FABP6: variants seen among roughly 807,000 people sequenced by gnomAD.
The protein encoded by FABP6 is fatty acid binding protein 6, also known as gastrotropin.
A neutral mutation model predicts 14.9 loss-of-function variants in FABP6; 13 were observed. The observed-to-expected ratio is 0.87, with a 90% CI of 0.57 to 1.39. The LOEUF (loss-of-function observed/expected upper bound fraction) is 1.39. Ranked by LOEUF, FABP6 falls within the 40% of genes most tolerant of loss-of-function variation. FABP6 has a pLI of 0.00. For missense variants in FABP6, 161 were observed against 167.2 expected, an observed-to-expected ratio of 0.96 and a Z score of 0.20; for synonymous variants, 75 against 63.6, an observed-to-expected ratio of 1.18 and a Z score of -0.85.
At chr5:160,208,277 TA>T (rs71579116) in intron 2 of FABP6, among the ~76,000 whole-genome samples, 79 of 146,768 alleles carry the variant, frequency 5.4e-4, no homozygotes, top group Non-Finnish European at 5.1e-4. Flanking sequence ...ATCGTTTGTC[TA>T]AAAAAAAAAA....
At chr5:160,215,009 G>C (rs2113110258) in intron 3 of FABP6, among the ~76,000 whole-genome samples, 1 of 152,310 alleles carries the variant, frequency 6.6e-6, no homozygotes, top group East Asian at 1.9e-4. Context: ...TGGCCATCCA[G>C]TGGAACTTCA....
intron 3 of FABP6, among the ~76,000 whole-genome samples, chr5:160,235,792 A>C (rs1010394821): frequency 1.3e-5 from 2 of 151,056 alleles, no homozygotes; most frequent in African/African-American, 4.9e-5. Context: ...TCTCTCTCTC[A>C]TTCTCGCTTT....
intron 2 of FABP6, among the ~76,000 whole-genome samples, chr5:160,207,407 G>C (rs1291576313): frequency 1.3e-5 from 2 of 152,260 alleles, no homozygotes; most frequent in Middle Eastern, 6.8e-3. Context: ...GCTTTTGTAT[G>C]GGGTTATTTA....
At chr5:160,238,491 C>T (rs1208021488) in intron 3 of FABP6, 115 bp from the exon 4 acceptor site, 16 of 819,802 alleles carry the variant, frequency 2.0e-5, no homozygotes, top group East Asian at 7.6e-5. Flanking sequence ...AGAAGTGGTG[C>T]GCCTGACTCT....
chr5:160,234,962 G>A, intron 3 of FABP6, 53 bp downstream of exon 3: 1 of 1,533,926 alleles, frequency 6.5e-7, no homozygotes, highest in Non-Finnish European at 9.0e-7. Context: ...TCTGCCTCTT[G>A]GCCACAGCCC....
intron 1 of FABP6, among the ~76,000 whole-genome samples, chr5:160,190,496 T>A (rs1197562728): frequency 6.6e-6 from 1 of 152,196 alleles, no homozygotes; most frequent in African/African-American, 2.4e-5. Flanking sequence ...CCTCCCAAAG[T>A]GCTGGGATTA....
chr5:160,214,174 T>C (rs1759964404), intron 3 of FABP6, among the ~76,000 whole-genome samples: 2 of 149,034 alleles, frequency 1.3e-5, no homozygotes, highest in Non-Finnish European at 1.5e-5. Flanking sequence ...TTCTCTCTTA[T>C]AATTTTTATT....
intron 2 of FABP6, among the ~76,000 whole-genome samples, chr5:160,213,549 G>A (rs899316968): frequency 3.9e-5 from 6 of 152,202 alleles, no homozygotes; most frequent in Non-Finnish European, 7.3e-5. Context: ...TGTTTTCCAA[G>A]CCTGAAAAGT....
At chr5:160,213,883 C>T in intron 3 of FABP6, 1 of 1,341,700 alleles carries the variant, frequency 7.5e-7, no homozygotes, top group Non-Finnish European at 1.1e-6. Flanking sequence ...TCTAGTTCCT[C>T]ATGAACCTAG....
intron 1 of FABP6, among the ~76,000 whole-genome samples, chr5:160,190,032 G>A (rs1759364518): frequency 6.6e-6 from 1 of 152,158 alleles, no homozygotes; most frequent in Non-Finnish European, 1.5e-5. Context: ...TGAACTGGCT[G>A]TATTAGATCT....
intron 2 of FABP6, among the ~76,000 whole-genome samples, chr5:160,212,046 G>T (rs72643445): frequency 0.061 from 8,949 of 147,450 alleles, 539 homozygotes; most frequent in East Asian, 0.36. Context: ...GTAGTGCAAT[G>T]GTGTGATCTC....
intron 2 of FABP6, among the ~76,000 whole-genome samples, chr5:160,209,785 A>G (rs1172995758): frequency 6.6e-6 from 1 of 152,022 alleles, no homozygotes; most frequent in African/African-American, 2.4e-5. Context: ...TCCTGGCCGG[A>G]AGTGATTCCC....
intron 1 of FABP6, 81 bp downstream of exon 1, chr5:160,229,705 G>A (rs1328630764): frequency 7.7e-7 from 1 of 1,291,690 alleles, no homozygotes; most frequent in Admixed American, 1.7e-5. Flanking sequence ...AAGTAGAATG[G>A]GACAGGATTT....
At chr5:160,221,682 G>A (rs78237995) in intron 3 of FABP6, among the ~76,000 whole-genome samples, 1 of 149,476 alleles carries the variant, frequency 6.7e-6, no homozygotes, top group Admixed American at 6.7e-5. Flanking sequence ...TGTCCATTTG[G>A]CAAGTCCCTT....
At chr5:160,214,563 C>T (rs1014638713) in intron 3 of FABP6, among the ~76,000 whole-genome samples, 1 of 151,296 alleles carries the variant, frequency 6.6e-6, no homozygotes, top group African/African-American at 2.4e-5. Context: ...ATCCTCCTGT[C>T]TCAGCCACCC....
intron 1 of FABP6, among the ~76,000 whole-genome samples, chr5:160,190,326 G>A (rs1319475456): frequency 6.6e-6 from 1 of 150,872 alleles, no homozygotes; most frequent in Non-Finnish European, 1.5e-5. Context: ...TCCACCTCCC[G>A]GGTTCAAGTG....
chr5:160,216,295 T>C (rs1760011452), intron 3 of FABP6, among the ~76,000 whole-genome samples: 1 of 151,040 alleles, frequency 6.6e-6, no homozygotes, highest in African/African-American at 2.4e-5. Context: ...TGAGACCAAG[T>C]CTCACTCTGT....
chr5:160,230,913 G>C (rs1163725589), intron 1 of FABP6, among the ~76,000 whole-genome samples: 2 of 152,250 alleles, frequency 1.3e-5, no homozygotes, highest in Non-Finnish European at 2.9e-5. Flanking sequence ...TGTGGGCAGA[G>C]AGACCAGTGA....
At chr5:160,202,385 G>A (rs1352895435) in intron 2 of FABP6, among the ~76,000 whole-genome samples, 1 of 152,118 alleles carries the variant, frequency 6.6e-6, no homozygotes, top group Non-Finnish European at 1.5e-5. Flanking sequence ...AATACCCCAT[G>A]TACCCACAGC....
Sources: gnomAD v4.1 joint callset for allele counts (sites outside exome capture counted in the v4.1 genomes callset) on GRCh38, gnomAD v4.1.1 for gene constraint, MANE v1.5 for transcripts, NCBI Gene and HGNC (gene_info 2026-07-23, HGNC 2026-07-21) for gene names.